KIRREL3: variants seen among roughly 807,000 people sequenced by gnomAD.
KIRREL3 encodes the protein kirre like nephrin family adhesion molecule 3, also known as kin of IRRE-like protein 3.
Under a neutral mutation model 89.7 loss-of-function variants are expected in KIRREL3, and 36 were observed. The ratio of observed to expected loss-of-function variants is 0.40; its 90% CI spans 0.31 to 0.53. The LOEUF is 0.53. Among genes scored for constraint, KIRREL3 ranks in the 20% least tolerant of loss-of-function variants. KIRREL3 has a pLI of 0.49. For missense variants in KIRREL3, 864 were observed against 1,056.6 expected, an observed-to-expected ratio of 0.82 and a Z score of 2.53; for synonymous variants, 445 against 441.4, an observed-to-expected ratio of 1.01 and a Z score of -0.10.
intron 1 of KIRREL3, among the ~76,000 whole-genome samples, chr11:126,962,932 T>C (rs910929864): frequency 2.0e-5 from 3 of 152,156 alleles, no homozygotes; most frequent in Admixed American, 2.0e-4. Flanking sequence ...GCAATAAAGA[T>C]TTTGTAAATT....
intron 1 of KIRREL3, among the ~76,000 whole-genome samples, chr11:126,853,153 A>C (rs984767950): frequency 6.6e-6 from 1 of 152,152 alleles, no homozygotes; most frequent in Non-Finnish European, 1.5e-5. Context: ...ATACTGCTGA[A>C]CCAAAAAGGC....
Position 126,715,896 on chromosome 11 carries a change from T to C in KIRREL3, c.56-152984A>G, listed in dbSNP as rs1234241219. Among the ~76,000 whole-genome samples the C allele has an allele frequency of 2.6e-5, 4 of 152,104 alleles. No individual in the cohort carries two copies. Among genetic ancestry groups the C allele is most frequent in the Non-Finnish European group, 4.4e-5 (3 of 68,026 alleles). ...ATGCAAGAGCAATCTGCAGTGTTAT[T>C]GACTAGTGGAAAAATGGCTCCTCTC... On this transcript the variant is annotated intron_variant, in intron 1 of 16. Coordinates refer to ENST00000525144, the MANE Select transcript of KIRREL3 (RefSeq NM_032531.4). The surrounding 1 kb of genome is among the most constrained non-coding windows in gnomAD (Gnocchi z 4.4).
Position 126,615,994 on chromosome 11 carries a change from C to T in KIRREL3, c.56-53082G>A, listed in dbSNP as rs1943330689. On this transcript the variant is annotated intron_variant, in intron 1 of 16. Transcript: ENST00000525144. The surrounding 1 kb of genome is among the most constrained non-coding windows in gnomAD (Gnocchi z 5.4). ...GGTGCGTGGGTGGGGAGATGCATGA[C>T]TGCTTTGGTTATGAAACATTGTGTT... Among the ~76,000 whole-genome samples, 1 of 152,112 alleles carries T rather than the reference C, an allele frequency of 6.6e-6. No homozygotes were observed. The highest frequency in any genetic ancestry group is 2.4e-5 in the African/African-American group (1 of 41,440).
rs1956263686 is a variant in KIRREL3 at position 126,454,089 on chromosome 11, C to A, written c.848+2260G>T. ...GAATAGTCCCATTAACTGCCACCCT[C>A]CCATCGCCCGGATTCACCAGCTGTT... On this transcript the variant is annotated intron_variant, in intron 7 of 16. Coordinates refer to ENST00000525144, the MANE Select transcript of KIRREL3 (RefSeq NM_032531.4). The surrounding 1 kb of genome is among the most constrained non-coding windows in gnomAD (Gnocchi z 5.8). 7.2e-6 allele frequency among the ~76,000 whole-genome samples: 1 copy of A among 138,816 alleles called. No homozygotes were observed. 91.1% of individuals were successfully genotyped at this position (138,816 alleles called of 152,430 possible).
chr11:126,568,851 T>C lies in KIRREL3; in HGVS notation c.56-5939A>G, dbSNP rs918081238. Among the ~76,000 whole-genome samples, 2 of 151,964 alleles carry C rather than the reference T, an allele frequency of 1.3e-5. No individual in the cohort carries two copies. Among genetic ancestry groups the C allele is most frequent in the African/African-American group, 4.8e-5 (2 of 41,382 alleles). On this transcript the variant is annotated intron_variant, in intron 1 of 16. Transcript: ENST00000525144. This position sits in a 1 kb window ranked among gnomAD's most constrained non-coding sequence, Gnocchi z 4.6. ...CCCCCTCGTTTTTTTCTTTTTCAGATATGAAAGTGGAGATGCAGAGAGGTG... is the reference window on the plus strand; with the variant it reads ...CCCCCTCGTTTTTTTCTTTTTCAGACATGAAAGTGGAGATGCAGAGAGGTG...
chr11:126,531,950 G>A lies in KIRREL3; in HGVS notation c.134-5263C>T, dbSNP rs1784230. ...TACAGGAAAATTGCTTTTGCATTAT[G>A]AACTACTAACCCGGCAGATACTGTT... On this transcript the variant is annotated intron_variant, in intron 2 of 16. Coordinates refer to ENST00000525144, the MANE Select transcript of KIRREL3 (RefSeq NM_032531.4). This position sits in a 1 kb window ranked among gnomAD's most constrained non-coding sequence, Gnocchi z 4.7. 0.46 allele frequency among the ~76,000 whole-genome samples: 69,414 copies of A among 151,888 alleles called. 16,628 individuals are homozygous for A. The highest frequency in any genetic ancestry group is 0.86 in the East Asian group (4,424 of 5,154).
intron 1 of KIRREL3, among the ~76,000 whole-genome samples, chr11:126,602,081 G>A (rs990158987): frequency 2.0e-5 from 3 of 152,182 alleles, no homozygotes; most frequent in African/African-American, 7.2e-5. Context: ...TTACTGAGAG[G>A]AGGAGTAGCC....
At chr11:126,621,388 TG>T (rs1370914096) in intron 1 of KIRREL3, among the ~76,000 whole-genome samples, 17 of 152,364 alleles carry the variant, frequency 1.1e-4, no homozygotes, top group African/African-American at 3.8e-4. Context: ...CCCAAGTTTT[TG>T]CTTGTTCTGT....
intron 13 of KIRREL3, among the ~76,000 whole-genome samples, chr11:126,434,507 G>T (rs1955246290): frequency 6.6e-6 from 1 of 152,378 alleles, no homozygotes; most frequent in African/African-American, 2.4e-5. Context: ...AGGGGCATGA[G>T]GATCCCACGT....
At chr11:126,815,927 GAC>G (rs1196604985) in intron 1 of KIRREL3, among the ~76,000 whole-genome samples, 2 of 152,178 alleles carry the variant, frequency 1.3e-5, no homozygotes, top group African/African-American at 4.8e-5. Flanking sequence ...ACCACACGAC[GAC>G]AGTTTTAACT....
At chr11:126,542,792 T>C (rs1938471315) in intron 2 of KIRREL3, among the ~76,000 whole-genome samples, 1 of 152,186 alleles carries the variant, frequency 6.6e-6, no homozygotes. Flanking sequence ...TAAGCAAACT[T>C]GGTGATAGCA....
chr11:126,716,745 T>C (rs1947977891), intron 1 of KIRREL3, among the ~76,000 whole-genome samples: 1 of 11,386 alleles, frequency 8.8e-5, no homozygotes, highest in Non-Finnish European at 1.6e-4. Context: ...AGTGTGTGTG[T>C]GTTGGGGGGG....
In KIRREL3 at chr11:126,476,104, G is replaced by A. The variant is rs1957057041; in HGVS notation, c.434-2638C>T. Reference sequence around the variant, plus strand: ...GCTTCAGGTGCAAACGTGAGAGCTCGGAGGATCTGGGAACTGACCGCTCTC... The same window carrying A: ...GCTTCAGGTGCAAACGTGAGAGCTCAGAGGATCTGGGAACTGACCGCTCTC... On this transcript the variant is annotated intron_variant, in intron 4 of 16. Transcript: ENST00000525144. The surrounding 1 kb of genome is among the most constrained non-coding windows in gnomAD (Gnocchi z 6.4). Among the ~76,000 whole-genome samples the A allele has an allele frequency of 6.6e-6, 1 of 152,208 alleles. No individual in the cohort carries two copies.
At chr11:126,881,531 T>A (rs749037677) in intron 1 of KIRREL3, among the ~76,000 whole-genome samples, 2 of 152,178 alleles carry the variant, frequency 1.3e-5, no homozygotes, top group Non-Finnish European at 2.9e-5. Context: ...CTTAAAGCTC[T>A]TAATGCAATT....
Position 126,669,352 on chromosome 11 carries a change from C to T in KIRREL3, c.56-106440G>A, listed in dbSNP as rs1693449566. Among the ~76,000 whole-genome samples, 1 of 152,198 alleles carries T rather than the reference C, an allele frequency of 6.6e-6. No individual in the cohort carries two copies. Among genetic ancestry groups the T allele is most frequent in the East Asian group, 1.9e-4 (1 of 5,202 alleles). ...CTCCTTCCCTGAGACACTTACCTCT[C>T]CTTTAGTTCTCAGGTGTTGGATCAT... is the stretch of plus-strand genomic sequence containing the variant. On this transcript the variant is annotated intron_variant, in intron 1 of 16. Transcript: ENST00000525144. This position sits in a 1 kb window ranked among gnomAD's most constrained non-coding sequence, Gnocchi z 5.0.
In KIRREL3 at chr11:126,989,313, C is replaced by T. The variant is rs1370970951; in HGVS notation, c.55+11142G>A. 2.0e-5 allele frequency among the ~76,000 whole-genome samples: 3 copies of T among 152,180 alleles called. No homozygotes were observed. Among genetic ancestry groups the T allele is most frequent in the Non-Finnish European group, 4.4e-5 (3 of 68,026 alleles). On this transcript the variant is annotated intron_variant, in intron 1 of 16. Coordinates refer to ENST00000525144, the MANE Select transcript of KIRREL3 (RefSeq NM_032531.4). The surrounding 1 kb of genome is among the most constrained non-coding windows in gnomAD (Gnocchi z 6.2). ...CTGCCTTCAGCCCAACTCCACTGCC[C>T]AGAAAGGCTGGCACTGTGGGGACGA...
chr11:126,680,977 C>G (rs771410463), intron 1 of KIRREL3, among the ~76,000 whole-genome samples: 23 of 152,090 alleles, frequency 1.5e-4, no homozygotes, highest in Non-Finnish European at 2.9e-5. Flanking sequence ...GCAAGATTTG[C>G]AAGGCTGAGA....
In KIRREL3 at chr11:126,635,630, C is replaced by T. The variant is rs1944235175; in HGVS notation, c.56-72718G>A. Among the ~76,000 whole-genome samples, 1 of 152,180 alleles carries T rather than the reference C, an allele frequency of 6.6e-6. No individual in the cohort carries two copies. Among genetic ancestry groups the T allele is most frequent in the South Asian group, 2.1e-4 (1 of 4,830 alleles). On this transcript the variant is annotated intron_variant, in intron 1 of 16. Coordinates refer to ENST00000525144, the MANE Select transcript of KIRREL3 (RefSeq NM_032531.4). The surrounding 1 kb of genome is among the most constrained non-coding windows in gnomAD (Gnocchi z 4.0). ...CAGAGTAACCAGAGATCTTGGGCCA[C>T]AAGTCAGACACACCTAGACTAAGAT... is the stretch of plus-strand genomic sequence containing the variant.
intron 2 of KIRREL3, among the ~76,000 whole-genome samples, chr11:126,538,620 T>C (rs1485614067): frequency 3.3e-5 from 5 of 152,008 alleles, no homozygotes; most frequent in Admixed American, 1.3e-4. Flanking sequence ...GGGAACAGGA[T>C]TGGGGGTGAT....
Sources: allele counts gnomAD v4.1 joint callset (sites outside exome capture counted in the v4.1 genomes callset), GRCh38; gene constraint gnomAD v4.1.1; non-coding constraint Gnocchi (gnomAD v3.1); transcripts MANE v1.5; gene names NCBI Gene and HGNC (gene_info 2026-07-23, HGNC 2026-07-21).